SPIDR: variants seen among roughly 807,000 people sequenced by gnomAD.
The protein encoded by SPIDR is scaffold protein involved in DNA repair, also known as DNA repair-scaffolding protein.
In SPIDR, 93 loss-of-function variants were observed where a neutral mutation model predicts 104.6. That is an observed-to-expected ratio of 0.89 (90% CI 0.75 to 1.06). SPIDR has a LOEUF of 1.06. Ranked by LOEUF, SPIDR falls within the 50% of genes least tolerant of loss-of-function variation. The pLI is 0.00. For missense variants in SPIDR, 1,154 were observed against 1,111.2 expected (o/e 1.04, Z -0.55); for synonymous variants, 431 against 416.9 (o/e 1.03, Z -0.41).
chr8:47,510,628 G>C (rs2082172510), intron 8 of SPIDR, among the ~76,000 whole-genome samples: 1 of 151,930 alleles, frequency 6.6e-6, no homozygotes, highest in South Asian at 2.1e-4. Context: ...TAATGTAGTT[G>C]CACAAACAGT....
chr8:47,317,147 G>A (rs1036800057), intron 5 of SPIDR, among the ~76,000 whole-genome samples: 35 of 152,140 alleles, frequency 2.3e-4, no homozygotes, highest in Non-Finnish European at 4.7e-4. Context: ...GCCGAAGCAG[G>A]GCGAGGCATC....
chr8:47,320,281 A>T (rs990996359), intron 5 of SPIDR, among the ~76,000 whole-genome samples: 3 of 152,216 alleles, frequency 2.0e-5, no homozygotes, highest in Non-Finnish European at 2.9e-5. Context: ...CACTAATCCC[A>T]CAGAAATACA....
At chr8:47,329,348 G>A (rs369124525) in intron 5 of SPIDR, among the ~76,000 whole-genome samples, 1 of 152,172 alleles carries the variant, frequency 6.6e-6, no homozygotes, top group East Asian at 1.9e-4. Context: ...TGGGATTACA[G>A]GCGTGAGCCA....
At chr8:47,410,383 G>A (rs557371057) in intron 7 of SPIDR, among the ~76,000 whole-genome samples, 1 of 151,952 alleles carries the variant, frequency 6.6e-6, no homozygotes, top group South Asian at 2.1e-4. Context: ...GTTTCGCCAT[G>A]CTGGGCAAGC....
At chr8:47,449,347 T>G (rs1554704226) in intron 8 of SPIDR, among the ~76,000 whole-genome samples, 1 of 152,028 alleles carries the variant, frequency 6.6e-6, no homozygotes, top group African/African-American at 2.4e-5. Flanking sequence ...GAGCCTAGAG[T>G]AAAAACACAA....
At chr8:47,451,605 CA>C (rs2071751008) in intron 8 of SPIDR, among the ~76,000 whole-genome samples, 1 of 151,830 alleles carries the variant, frequency 6.6e-6, no homozygotes, top group African/African-American at 2.4e-5. Flanking sequence ...CACACACACA[CA>C]CACTAGAAAG....
chr8:47,511,547 T>G, intron 8 of SPIDR: 1 of 782,554 alleles, frequency 1.3e-6, no homozygotes, highest in Non-Finnish European at 2.4e-6. Flanking sequence ...TCTCAGTAGC[T>G]TCTGAGTCCT....
intron 1 of SPIDR, among the ~76,000 whole-genome samples, chr8:47,275,117 C>T (rs6981629): frequency 2.0e-5 from 3 of 150,734 alleles, no homozygotes; most frequent in Admixed American, 6.6e-5. Context: ...AAATTAGCCG[C>T]GCGTGGTGGG....
chr8:47,483,541 T>C (rs563259329), intron 8 of SPIDR, among the ~76,000 whole-genome samples: 8 of 152,302 alleles, frequency 5.3e-5, no homozygotes, highest in African/African-American at 1.7e-4. Context: ...ATGGCCCGTT[T>C]AGGATAGGTA....
chr8:47,624,395 A>G (rs1326157139), intron 10 of SPIDR, among the ~76,000 whole-genome samples: 1 of 152,236 alleles, frequency 6.6e-6, no homozygotes, highest in East Asian at 1.9e-4. Context: ...TCAGAGCAGA[A>G]CTGAAGAAGA....
intron 8 of SPIDR, among the ~76,000 whole-genome samples, chr8:47,566,732 G>A (rs945855076): frequency 1.3e-5 from 2 of 151,868 alleles, no homozygotes; most frequent in Non-Finnish European, 2.9e-5. Context: ...CACCTGCTAT[G>A]TGCAGGACAC....
intron 7 of SPIDR, among the ~76,000 whole-genome samples, chr8:47,422,422 A>G (rs1171149453): frequency 2.0e-5 from 3 of 151,712 alleles, no homozygotes; most frequent in Non-Finnish European, 2.9e-5. Context: ...TGCGGGATAC[A>G]ATCTCCTGGT....
chr8:47,637,126 T>C (rs1365619931), intron 10 of SPIDR, among the ~76,000 whole-genome samples: 1 of 152,242 alleles, frequency 6.6e-6, no homozygotes, highest in Non-Finnish European at 1.5e-5. Context: ...GTTTACCTAG[T>C]GTTACCTAAT....
At chr8:47,456,305 C>G (rs1295523391) in intron 8 of SPIDR, among the ~76,000 whole-genome samples, 1 of 152,072 alleles carries the variant, frequency 6.6e-6, no homozygotes, top group Admixed American at 6.6e-5. Context: ...GTGAGAGAGA[C>G]AAGCCAAGGA....
At chr8:47,358,086 C>A (rs551350779) in intron 5 of SPIDR, among the ~76,000 whole-genome samples, 168 of 152,198 alleles carry the variant, frequency 1.1e-3, no homozygotes, top group African/African-American at 3.7e-3. Flanking sequence ...TTTGCATATT[C>A]ATTTGTTTTA....
At chr8:47,673,351 G>C in intron 10 of SPIDR, 1 of 454,268 alleles carries the variant, frequency 2.2e-6, no homozygotes, top group Non-Finnish European at 4.4e-6. Flanking sequence ...TGTTCTTATC[G>C]TAATGTTATC....
chr8:47,565,994 T>A (rs567902737), intron 8 of SPIDR, among the ~76,000 whole-genome samples: 138 of 25,798 alleles, frequency 5.3e-3, no homozygotes, highest in East Asian at 0.016. Context: ...ATATATATAT[T>A]TTTTTTTTTT....
chr8:47,488,960 C>T (rs1478553048), intron 8 of SPIDR, among the ~76,000 whole-genome samples: 28 of 152,290 alleles, frequency 1.8e-4, no homozygotes, highest in South Asian at 4.1e-4. Context: ...GATGCCCTCT[C>T]TCACCACTCC....
At chr8:47,367,869 G>C (rs1226119372) in intron 5 of SPIDR, among the ~76,000 whole-genome samples, 7 of 152,222 alleles carry the variant, frequency 4.6e-5, no homozygotes, top group Non-Finnish European at 7.3e-5. Context: ...CTGGAGGAAA[G>C]AAGGCAAGCT....
Sources: allele counts gnomAD v4.1 joint callset (sites outside exome capture counted in the v4.1 genomes callset), GRCh38; gene constraint gnomAD v4.1.1; transcripts MANE v1.5; gene names NCBI Gene and HGNC (gene_info 2026-07-23, HGNC 2026-07-21).